Variants in MTHFD2L observed in about 807,000 individuals in gnomAD.
MTHFD2L encodes bifunctional methylenetetrahydrofolate dehydrogenase/cyclohydrolase 2, mitochondrial.
MTHFD2L carries 29 observed loss-of-function variants against 34.9 expected under a neutral mutation model. The observed-to-expected ratio is 0.83, with a 90% CI of 0.62 to 1.13. The LOEUF (loss-of-function observed/expected upper bound fraction) is 1.13. MTHFD2L is among the 50% of genes most tolerant of loss of function. The probability of loss-of-function intolerance (pLI) is 0.00; values close to 1 mark genes in which losing one functional copy is unlikely to be tolerated. For synonymous variants in MTHFD2L, 167 were observed against 155.7 expected (o/e 1.07, Z -0.54); for missense variants, 481 against 446.5 (o/e 1.08, Z -0.70).
chr4:74,198,648 T>C (rs1313239611), intron 3 of MTHFD2L, among the ~76,000 whole-genome samples: 2 of 152,126 alleles, frequency 1.3e-5, no homozygotes, highest in African/African-American at 2.4e-5. Flanking sequence ...ATAAGTTAAA[T>C]ATGTATTCTT....
chr4:74,149,020 T>A (rs1195209464), intron 1 of MTHFD2L, among the ~76,000 whole-genome samples: 4 of 151,858 alleles, frequency 2.6e-5, no homozygotes, highest in Non-Finnish European at 4.4e-5. Context: ...TCTTCTTATC[T>A]TTCTGCTGTC....
At chr4:74,285,731 C>T (rs1748091613) in intron 7 of MTHFD2L, among the ~76,000 whole-genome samples, 1 of 152,104 alleles carries the variant, frequency 6.6e-6, no homozygotes, top group South Asian at 2.1e-4. Flanking sequence ...AATTGCTTTG[C>T]ACTGTTTCAA....
intron 6 of MTHFD2L, among the ~76,000 whole-genome samples, chr4:74,242,679 C>A (rs1036591825): frequency 2.0e-5 from 3 of 152,134 alleles, no homozygotes; most frequent in Admixed American, 6.5e-5. Flanking sequence ...CGATTTTGGA[C>A]AGTGGGATGT....
intron 3 of MTHFD2L, among the ~76,000 whole-genome samples, chr4:74,181,117 G>A (rs1326757198): frequency 6.6e-6 from 1 of 152,100 alleles, no homozygotes; most frequent in Non-Finnish European, 1.5e-5. Flanking sequence ...CAAACTTGAA[G>A]CACACTGGAA....
Position 74,199,950 on chromosome 4 carries a change from G to A in MTHFD2L, c.604+4G>A. 2 of 1,613,638 alleles carry A rather than the reference G, an allele frequency of 1.2e-6. No homozygotes were observed. The highest frequency in any genetic ancestry group is 1.7e-6 in the Non-Finnish European group (2 of 1,179,826). ...TGGGAAATAATAAAAAGAACAGGTT[G>A]GTAATTTGTGGTCTGCAGGACATGG... On this transcript the variant is annotated splice_donor_region_variant and intron_variant, in intron 4 of 7. Transcript: ENST00000325278.
intron 6 of MTHFD2L, among the ~76,000 whole-genome samples, chr4:74,231,239 C>G (rs1435471642): frequency 6.6e-6 from 1 of 152,082 alleles, no homozygotes; most frequent in Admixed American, 6.6e-5. Context: ...ATCATATTAT[C>G]AAGTCTTAGA....
At chr4:74,129,063 T>G (rs996427566) in intron 1 of MTHFD2L, among the ~76,000 whole-genome samples, 3 of 152,090 alleles carry the variant, frequency 2.0e-5, no homozygotes, top group Non-Finnish European at 1.5e-5. Flanking sequence ...ACTGTAATAT[T>G]ATAGGTTTTT....
chr4:74,242,724 A>G (rs754635784), intron 6 of MTHFD2L, among the ~76,000 whole-genome samples: 52 of 152,182 alleles, frequency 3.4e-4, no homozygotes, highest in Non-Finnish European at 5.0e-4. Context: ...GCTTTATATC[A>G]AGTGTAAGTG....
At chr4:74,166,727 C>G (rs935199354) in intron 1 of MTHFD2L, among the ~76,000 whole-genome samples, 1 of 152,150 alleles carries the variant, frequency 6.6e-6, no homozygotes, top group East Asian at 1.9e-4. Flanking sequence ...AATGCCAGGG[C>G]AGCATCCAAA....
At chr4:74,156,184 T>C (rs957449684), upstream of MTHFD2L, among the ~76,000 whole-genome samples, 9 of 152,150 alleles carry the variant, frequency 5.9e-5, no homozygotes, top group South Asian at 2.1e-4. Context: ...TACAGTATCA[T>C]ACAAAATAGT....
intron 3 of MTHFD2L, chr4:74,183,206 C>T (rs1207625236): frequency 6.6e-6 from 1 of 151,928 alleles, no homozygotes; most frequent in Non-Finnish European, 1.5e-5. Flanking sequence ...GACAATAGAA[C>T]AATATCTTTA....
intron 6 of MTHFD2L, among the ~76,000 whole-genome samples, chr4:74,256,416 A>G (rs1744036021): frequency 6.6e-6 from 1 of 152,014 alleles, no homozygotes; most frequent in Non-Finnish European, 1.5e-5. Context: ...CCCAGCCTCA[A>G]TGTTTATTTT....
At chr4:74,159,514 T>G (rs1217343300) in intron 1 of MTHFD2L, among the ~76,000 whole-genome samples, 1 of 152,228 alleles carries the variant, frequency 6.6e-6, no homozygotes, top group Non-Finnish European at 1.5e-5. Flanking sequence ...GATAACTTGT[T>G]TCAAATAGTA....
chr4:74,240,138 T>G (rs1371932916), intron 6 of MTHFD2L, among the ~76,000 whole-genome samples: 1 of 152,228 alleles, frequency 6.6e-6, no homozygotes, highest in Non-Finnish European at 1.5e-5. Flanking sequence ...TGATAAATTT[T>G]ATGACGTTAT....
intron 5 of MTHFD2L, among the ~76,000 whole-genome samples, chr4:74,218,137 T>G (rs1258715002): frequency 6.8e-6 from 1 of 147,102 alleles, no homozygotes; most frequent in Non-Finnish European, 1.5e-5. Flanking sequence ...TTTCTATACA[T>G]TTTTTTTTTA....
chr4:74,134,290 A>C (rs1025543482), intron 1 of MTHFD2L, among the ~76,000 whole-genome samples: 1 of 152,156 alleles, frequency 6.6e-6, no homozygotes, highest in African/African-American at 2.4e-5. Flanking sequence ...AGTAGAAATC[A>C]TGTAGCAAGT....
chr4:74,265,748 A>G (rs1391338553), intron 6 of MTHFD2L, among the ~76,000 whole-genome samples: 1 of 152,196 alleles, frequency 6.6e-6, no homozygotes. Flanking sequence ...GTCATGAATA[A>G]TATTAAAATA....
chr4:74,250,549 T>A (rs1743163772), intron 6 of MTHFD2L, among the ~76,000 whole-genome samples: 1 of 152,176 alleles, frequency 6.6e-6, no homozygotes, highest in South Asian at 2.1e-4. Flanking sequence ...ATTCAGCAAA[T>A]TTCTATTGAA....
intron 1 of MTHFD2L, among the ~76,000 whole-genome samples, chr4:74,166,715 C>G (rs1014849052): frequency 2.0e-5 from 3 of 152,184 alleles, no homozygotes; most frequent in Non-Finnish European, 4.4e-5. Context: ...TAGGCCTGCA[C>G]TAATGCCAGG....
Sources: allele counts gnomAD v4.1 joint callset (sites outside exome capture counted in the v4.1 genomes callset), GRCh38; gene constraint gnomAD v4.1.1; transcripts MANE v1.5; gene names NCBI Gene and HGNC (gene_info 2026-07-23, HGNC 2026-07-21).